CSMD1: variants seen among roughly 807,000 people sequenced by gnomAD.
CSMD1 encodes the protein CUB and Sushi multiple domains 1.
CSMD1 carries 213 observed loss-of-function variants against 417.5 expected under a neutral mutation model. The observed-to-expected ratio is 0.51, with a 90% CI of 0.46 to 0.57. The LOEUF (loss-of-function observed/expected upper bound fraction) is 0.57. Among genes scored for constraint, CSMD1 ranks in the 20% least tolerant of loss-of-function variants. The pLI is 0.00. For missense variants in CSMD1, 6,923 were observed against 4,529.7 expected (o/e 1.53, Z -15.17); for synonymous variants, 2,862 against 1,736.8 (o/e 1.65, Z -16.11).
intron 54 of CSMD1, among the ~76,000 whole-genome samples, chr8:2,984,970 T>C (rs1215739664): frequency 6.6e-6 from 1 of 152,202 alleles, no homozygotes; most frequent in Admixed American, 6.5e-5. Context: ...AAGTATAACT[T>C]CTTTAAGTTT....
rs570342984 is a variant in CSMD1, at chr8:3,497,532, G to A, written c.1345-3806C>T. Among the ~76,000 whole-genome samples the A allele has an allele frequency of 7.9e-5, 12 of 152,138 alleles. No homozygotes were observed. In the South Asian group the frequency reaches 2.5e-3, roughly 32 times the overall value. On this transcript the variant is annotated intron_variant, in intron 10 of 69. Coordinates refer to ENST00000635120, the MANE Select transcript of CSMD1 (RefSeq NM_033225.6). ...CAATTCTCATGTCTCACCCTTCTAG[G>A]TATCTGGGATTACAGGGTCAATATA...
At chr8:4,177,017 T>C (rs1798085274) in intron 3 of CSMD1, among the ~76,000 whole-genome samples, 1 of 151,992 alleles carries the variant, frequency 6.6e-6, no homozygotes, top group Non-Finnish European at 1.5e-5. Context: ...ATTAGAAATA[T>C]CAACGAGACA....
chr8:4,153,071 G>T (rs1410197215), intron 3 of CSMD1, among the ~76,000 whole-genome samples: 4 of 152,116 alleles, frequency 2.6e-5, no homozygotes, highest in Non-Finnish European at 5.9e-5. Context: ...TTTGAAGGGG[G>T]TATGATTCTT....
chr8:3,476,687 G>T (rs1229715879), intron 11 of CSMD1, among the ~76,000 whole-genome samples: 1 of 151,926 alleles, frequency 6.6e-6, no homozygotes, highest in African/African-American at 2.4e-5. Context: ...TGAGGCCAAG[G>T]CGGGCAGATT....
chr8:4,250,893 C>T (rs1430967117), intron 3 of CSMD1, among the ~76,000 whole-genome samples: 1 of 152,162 alleles, frequency 6.6e-6, no homozygotes, highest in East Asian at 1.9e-4. Context: ...ATGAAAAGAG[C>T]ACCTCTTAAA....
intron 3 of CSMD1, among the ~76,000 whole-genome samples, chr8:4,040,533 G>T (rs904322949): frequency 3.3e-5 from 5 of 152,136 alleles, no homozygotes; most frequent in African/African-American, 1.2e-4. Context: ...ATCAGAAGAG[G>T]TGATGATAAA....
intron 1 of CSMD1, among the ~76,000 whole-genome samples, chr8:4,667,720 G>A (rs914475889): frequency 2.6e-5 from 4 of 152,140 alleles, no homozygotes; most frequent in Non-Finnish European, 4.4e-5. Context: ...TAAATCACAT[G>A]GCATTATTAA....
At chr8:3,543,613 A>G (rs531638451) in intron 10 of CSMD1, among the ~76,000 whole-genome samples, 1 of 151,802 alleles carries the variant, frequency 6.6e-6, no homozygotes, top group Non-Finnish European at 1.5e-5. Context: ...AAATATAAGT[A>G]TAATAATTTT....
rs144259775 is a variant in CSMD1, at chr8:4,741,826, G to A, written c.86-104268C>T. On this transcript the variant is annotated intron_variant, in intron 1 of 69. Transcript: ENST00000635120. ...CCCTGGTGATTCATGTACACTTTAAGGAGTTTGGGTGTTATCCTTGTTTTT... is the reference window on the plus strand; with the variant it reads ...CCCTGGTGATTCATGTACACTTTAAAGAGTTTGGGTGTTATCCTTGTTTTT... Among the ~76,000 whole-genome samples the A allele has an allele frequency of 1.1e-3, 160 of 151,862 alleles. 4 individuals are homozygous for A. The East Asian group carries it at 0.027, about 26-fold the overall frequency.
At chr8:4,949,338 T>C (rs1349306830) in intron 1 of CSMD1, among the ~76,000 whole-genome samples, 1 of 152,220 alleles carries the variant, frequency 6.6e-6, no homozygotes, top group Admixed American at 6.5e-5. Context: ...CATTAACTGA[T>C]ATTTCACTTT....
rs1048775461 is a variant in CSMD1 at position 4,396,102 on chromosome 8, G to C, written c.415+23851C>G. On this transcript the variant is annotated intron_variant, in intron 3 of 69. Transcript: ENST00000635120. ...CTTATACCATCTCCATTTGTGTTTAGTATTTTTAAGTTTTACTACTGTAAT... is the reference window on the plus strand; with the variant it reads ...CTTATACCATCTCCATTTGTGTTTACTATTTTTAAGTTTTACTACTGTAAT... Among the ~76,000 whole-genome samples the C allele has an allele frequency of 7.3e-5, 11 of 151,226 alleles. No individual in the cohort carries two copies. In the East Asian group the frequency reaches 2.1e-3, roughly 29 times the overall value.
intron 12 of CSMD1, among the ~76,000 whole-genome samples, chr8:3,410,671 G>T (rs547067217): frequency 1.3e-5 from 2 of 152,088 alleles, no homozygotes; most frequent in Non-Finnish European, 2.9e-5. Context: ...CCCAGTCTTG[G>T]GTATGTCTTT....
At position 4,135,555 on chromosome 8, in the gene CSMD1, T is replaced by C. The variant is rs527554611; in HGVS notation, c.416-103456A>G. Among the ~76,000 whole-genome samples, 71 of 152,268 alleles carry C rather than the reference T, an allele frequency of 4.7e-4. 1 individual carries two copies. Among genetic ancestry groups the C allele is most frequent in the Non-Finnish European group, 2.5e-4 (17 of 68,016 alleles). On this transcript the variant is annotated intron_variant, in intron 3 of 69. Transcript: ENST00000635120. ...AGTTATGTTTCAGATTGGAAACAAA[T>C]ATTAAATAAGAAGAAATGAGTTTTG...
intron 5 of CSMD1, among the ~76,000 whole-genome samples, chr8:3,965,936 G>C (rs1342722617): frequency 2.6e-5 from 4 of 152,136 alleles, no homozygotes; most frequent in African/African-American, 9.7e-5. Context: ...GATTTTATAA[G>C]AAATAAGAAC....
chr8:4,817,216 T>G (rs897683368), intron 1 of CSMD1, among the ~76,000 whole-genome samples: 5 of 152,336 alleles, frequency 3.3e-5, no homozygotes, highest in African/African-American at 1.2e-4. Context: ...ATGTATATGA[T>G]TTTAACCTAG....
intron 2 of CSMD1, among the ~76,000 whole-genome samples, chr8:4,596,143 G>C (rs932903695): frequency 2.0e-5 from 3 of 152,036 alleles, no homozygotes; most frequent in South Asian, 2.1e-4. Flanking sequence ...TAAAAAACTT[G>C]CTTCAGGAAT....
intron 17 of CSMD1, among the ~76,000 whole-genome samples, chr8:3,390,219 G>C (rs1215740065): frequency 1.3e-5 from 2 of 151,836 alleles, no homozygotes; most frequent in African/African-American, 2.4e-5. Context: ...GCCAGGTGTG[G>C]TGGTGGGCAC....
At chr8:4,034,846 T>A (rs1010602339) in intron 3 of CSMD1, among the ~76,000 whole-genome samples, 2 of 152,196 alleles carry the variant, frequency 1.3e-5, no homozygotes, top group African/African-American at 4.8e-5. Flanking sequence ...CAGATAATTG[T>A]TCCCCAAAGA....
intron 2 of CSMD1, among the ~76,000 whole-genome samples, chr8:4,458,608 T>C (rs993920802): frequency 1.3e-5 from 2 of 152,274 alleles, no homozygotes; most frequent in African/African-American, 2.4e-5. Flanking sequence ...AGAAAAATCA[T>C]CACCCACACC....
Sources: gnomAD v4.1 joint callset for allele counts (sites outside exome capture counted in the v4.1 genomes callset) on GRCh38, gnomAD v4.1.1 for gene constraint, MANE v1.5 for transcripts, NCBI Gene and HGNC (gene_info 2026-07-23, HGNC 2026-07-21) for gene names.